Variants in RYR2 observed in about 807,000 individuals in gnomAD.
RYR2 encodes the protein ryanodine receptor 2, also known as cardiac muscle ryanodine receptor-calcium release channel.
In RYR2, 227 loss-of-function variants were observed where a neutral mutation model predicts 601.1. The observed-to-expected ratio is 0.38, with a 90% CI of 0.34 to 0.42. The LOEUF is 0.42. Ranked by LOEUF, RYR2 falls within the 10% of genes least tolerant of loss-of-function variation. The probability of loss-of-function intolerance (pLI) is 1.00; values close to 1 mark genes in which losing one functional copy is unlikely to be tolerated. For missense variants in RYR2, 4,646 were observed against 6,156.5 expected (o/e 0.75, Z 8.21); for synonymous variants, 2,223 against 2,175.1 (o/e 1.02, Z -0.61).
At chr1:237,093,163 C>T (rs1667152371) in intron 1 of RYR2, among the ~76,000 whole-genome samples, 1 of 152,174 alleles carries the variant, frequency 6.6e-6, no homozygotes, top group Non-Finnish European at 1.5e-5. Context: ...TAAATACCCA[C>T]AGGAGGCTTG....
In RYR2 at chr1:237,195,535, G is replaced by A. The variant is rs150885017; in HGVS notation, c.49-74962G>A. ...CCCAAAGTGCTGGGATTACAGGTGT[G>A]AGCCACCACGCCTGAGCCACCACAC... is the stretch of plus-strand genomic sequence containing the variant. On this transcript the variant is annotated intron_variant, in intron 1 of 104. Transcript: ENST00000366574. 5.4e-3 allele frequency among the ~76,000 whole-genome samples: 830 copies of A among 152,304 alleles called. 10 individuals are homozygous for A. The highest frequency in any genetic ancestry group is 0.019 in the African/African-American group (770 of 41,566).
chr1:237,771,953 A>G (rs1015384046), intron 85 of RYR2, 59 bp from the exon 86 acceptor site: 1 of 977,922 alleles, frequency 1.0e-6, no homozygotes, highest in African/African-American at 1.6e-5. Context: ...TGGAGTTCTT[A>G]GAATGACTCA....
In RYR2 at chr1:237,639,098, G is replaced by A; in HGVS notation, c.7012G>A (p.Glu2338Lys). 6.2e-7 allele frequency: 1 copy of A among 1,613,918 alleles called. No individual in the cohort carries two copies. Among genetic ancestry groups the A allele is most frequent in the Non-Finnish European group, 8.5e-7 (1 of 1,179,870 alleles). Residue 2338 changes from glutamate to lysine, a missense_variant, in exon 46 of 105, where the codon GAA (glutamate) becomes AAA (lysine). Physicochemically the swap from Glu to Lys is moderately conservative, Grantham distance 56 (BLOSUM62 1). Transcript: ENST00000366574. ...PECFGPALRG[E>K]GGNGLLAAME... ...GTGTTTTGGTCCTGCTTTGAGAGGA[G>A]AAGGTGGGAATGGGCTTCTTGCAGC...
chr1:237,726,160 C>T, intron 74 of RYR2, 113 bp from the exon 75 acceptor site: 2 of 775,760 alleles, frequency 2.6e-6, no homozygotes, highest in South Asian at 1.7e-5. Context: ...GCAGTCCAAA[C>T]ATTTTAAATG....
At chr1:237,395,186 G>C (rs1051753052) in intron 10 of RYR2, among the ~76,000 whole-genome samples, 2 of 152,188 alleles carry the variant, frequency 1.3e-5, no homozygotes, top group South Asian at 2.1e-4. Flanking sequence ...AGGATGAAGT[G>C]AATGTTAATC....
chr1:237,333,421 G>T (rs193184079), intron 3 of RYR2, among the ~76,000 whole-genome samples: 246 of 152,352 alleles, frequency 1.6e-3, no homozygotes, highest in African/African-American at 5.7e-3. Flanking sequence ...CCCAGCCACA[G>T]CGTTGGAGGA....
At chr1:237,508,766 G>C (rs1391465083) in intron 23 of RYR2, among the ~76,000 whole-genome samples, 2 of 122,098 alleles carry the variant, frequency 1.6e-5, no homozygotes, top group East Asian at 5.0e-4. Flanking sequence ...TTTTTGAGAC[G>C]GAGTCTTGCT....
intron 100 of RYR2, among the ~76,000 whole-genome samples, chr1:237,809,797 CTA>C (rs1249860541): frequency 2.6e-5 from 4 of 152,016 alleles, no homozygotes; most frequent in Admixed American, 1.3e-4. Flanking sequence ...ATTACAAAGA[CTA>C]ACAATTAAGA....
At position 237,798,801 on chromosome 1, in the gene RYR2, C is replaced by CACACACACACACACAT. The variant is rs3835529; in HGVS notation, c.14090+632_14090+633insCACACACACACACATA. On this transcript the variant is annotated intron_variant, in intron 97 of 104. Transcript: ENST00000366574. ...TCACACACACACACACACACACACA[C>CACACACACACACACAT]ATATAGTGTGAGTGTACAGATATAT... is the stretch of plus-strand genomic sequence containing the variant. 2.4e-3 allele frequency among the ~76,000 whole-genome samples: 355 copies of CACACACACACACACAT among 148,392 alleles called. 1 individual carries two copies. The highest frequency in any genetic ancestry group is 7.4e-3 in the African/African-American group (286 of 38,688).
intron 1 of RYR2, among the ~76,000 whole-genome samples, chr1:237,173,173 CTT>C (rs796477537): frequency 2.0e-5 from 3 of 148,346 alleles, no homozygotes; most frequent in African/African-American, 7.5e-5. Context: ...ACAAACTACT[CTT>C]TTTTTTTTTT....
At chr1:237,333,945 A>G (rs1696995975) in intron 3 of RYR2, among the ~76,000 whole-genome samples, 3 of 152,190 alleles carry the variant, frequency 2.0e-5, no homozygotes, top group Non-Finnish European at 4.4e-5. Context: ...CAACTCTTTC[A>G]TAATCAACTT....
intron 1 of RYR2, among the ~76,000 whole-genome samples, chr1:237,203,231 G>A (rs1681403152): frequency 6.6e-6 from 1 of 152,148 alleles, no homozygotes; most frequent in Non-Finnish European, 1.5e-5. Flanking sequence ...CATGTTATCA[G>A]GTTGTTTTGT....
At chr1:237,718,622 A>G in intron 73 of RYR2, 101 bp downstream of exon 73, 1 of 526,958 alleles carries the variant, frequency 1.9e-6, no homozygotes, top group South Asian at 4.0e-5. Context: ...ACATTAAGGT[A>G]ATAGACATAT....
chr1:237,374,607 G>A, intron 6 of RYR2, 110 bp from the exon 7 acceptor site: 1 of 846,370 alleles, frequency 1.2e-6, no homozygotes, highest in South Asian at 1.4e-5. Flanking sequence ...GCAGTGAGCT[G>A]TGATCACGCC....
intron 56 of RYR2, among the ~76,000 whole-genome samples, 195 bp downstream of exon 56, chr1:237,661,142 C>T (rs1054413034): frequency 1.3e-5 from 2 of 152,040 alleles, no homozygotes; most frequent in African/African-American, 4.8e-5. Flanking sequence ...AGTTACTGGA[C>T]TTTATGTACA....
At chr1:237,725,876 T>G (rs1434388071) in intron 74 of RYR2, among the ~76,000 whole-genome samples, 1 of 152,080 alleles carries the variant, frequency 6.6e-6, no homozygotes, top group Non-Finnish European at 1.5e-5. Context: ...AATGCTGTAA[T>G]TCCTGTAAAA....
intron 27 of RYR2, among the ~76,000 whole-genome samples, chr1:237,563,957 A>C (rs1327956460): frequency 1.3e-5 from 2 of 152,152 alleles, no homozygotes; most frequent in African/African-American, 4.8e-5. Flanking sequence ...GTATATACTA[A>C]TTCTATATTT....
chr1:237,493,207 G>A, intron 19 of RYR2, 120 bp downstream of exon 19: 1 of 1,128,446 alleles, frequency 8.9e-7, no homozygotes, highest in East Asian at 2.6e-5. Flanking sequence ...ATTATTTTCT[G>A]TATTTTTGCA....
intron 1 of RYR2, among the ~76,000 whole-genome samples, chr1:237,129,660 T>C (rs1671938861): frequency 1.3e-5 from 2 of 149,818 alleles, no homozygotes. Context: ...ATATATAATA[T>C]ATATAGTATG....
Sources: allele counts gnomAD v4.1 joint callset (sites outside exome capture counted in the v4.1 genomes callset), GRCh38; gene constraint gnomAD v4.1.1; transcripts MANE v1.5; gene names NCBI Gene and HGNC (gene_info 2026-07-23, HGNC 2026-07-21).